RNF168: variants seen among roughly 807,000 people sequenced by gnomAD.
The protein encoded by RNF168 is E3 ubiquitin-protein ligase RNF168.
In RNF168, 34 loss-of-function variants were observed where a neutral mutation model predicts 34.9. The ratio of observed to expected loss-of-function variants is 0.97; its 90% CI spans 0.74 to 1.30. The LOEUF (loss-of-function observed/expected upper bound fraction) is 1.30. Ranked by LOEUF, RNF168 falls within the 50% of genes most tolerant of loss-of-function variation. The pLI is 0.00. For missense variants in RNF168, 725 were observed against 682.5 expected (o/e 1.06, Z -0.69); for synonymous variants, 264 against 254.7 (o/e 1.04, Z -0.35).
At chr3:196,499,877 C>T (rs1202641057) in intron 1 of RNF168, among the ~76,000 whole-genome samples, 1 of 152,136 alleles carries the variant, frequency 6.6e-6, no homozygotes, top group African/African-American at 2.4e-5. Context: ...AGATGATATA[C>T]AAATGGCCAA....
chr3:196,484,210 G>T (rs1577514466), intron 3 of RNF168, among the ~76,000 whole-genome samples: 1 of 119,472 alleles, frequency 8.4e-6, no homozygotes, highest in African/African-American at 3.4e-5. Context: ...TCGCTCTGTT[G>T]CCCAGGCTGG....
At position 196,484,026 on chromosome 3, in the gene RNF168, TGAA is replaced by T. The variant is rs886312944; in HGVS notation, c.559-138_559-136del. The T allele has an allele frequency of 5.8e-6, 4 of 690,352 alleles. 1 individual carries two copies. Among genetic ancestry groups the T allele is most frequent in the South Asian group, 5.0e-5 (3 of 60,022 alleles). The allele number at this position is 690,352 out of a possible 1,614,324, so 42.8% of individuals were successfully genotyped here. On this transcript the variant is annotated intron_variant, in intron 3 of 5. Coordinates refer to ENST00000318037, the MANE Select transcript of RNF168 (RefSeq NM_152617.4). ...TTATATTTAAATTCTGTACATCTCTTGAAGAATATTGACCATGCAAAAATCAGA... is the reference window on the plus strand; with the variant it reads ...TTATATTTAAATTCTGTACATCTCTTGAATATTGACCATGCAAAAATCAGA...
intron 5 of RNF168, chr3:196,474,875 T>C: frequency 3.7e-6 from 1 of 269,096 alleles, no homozygotes; most frequent in Non-Finnish European, 7.3e-6. Context: ...CTGCCTGTTT[T>C]TGTAAACAAA....
chr3:196,472,941 G>A (rs1253825403), intron 5 of RNF168, among the ~76,000 whole-genome samples, 169 bp from the exon 6 acceptor site: 10 of 150,638 alleles, frequency 6.6e-5, no homozygotes, highest in South Asian at 2.1e-4. Context: ...TTGCTCTGTC[G>A]CCCAGGCTGG....
chr3:196,471,550 G>A lies in RNF168; in HGVS notation c.*269C>T. ...CAATGGCACTTGAAGATTTCCTGGA[G>A]TTGGCCAAAGCTTAAGATATCTCTA... On this transcript the variant is annotated 3_prime_UTR_variant, in exon 6 of 6. Coordinates refer to ENST00000318037, the MANE Select transcript of RNF168 (RefSeq NM_152617.4). The A allele has an allele frequency of 2.6e-6, 1 of 386,960 alleles. No individual in the cohort carries two copies. Among genetic ancestry groups the A allele is most frequent in the Non-Finnish European group, 4.8e-6 (1 of 210,126 alleles). The allele number at this position is 386,960 out of a possible 1,614,324, so 24.0% of individuals were successfully genotyped here. A position where few individuals can be genotyped will look rare whatever the true frequency, so the allele number is the denominator to read the frequency against.
At chr3:196,485,396 A>G (rs1211853960) in intron 3 of RNF168, among the ~76,000 whole-genome samples, 1 of 151,722 alleles carries the variant, frequency 6.6e-6, no homozygotes, top group Non-Finnish European at 1.5e-5. Flanking sequence ...AATCCCAGAT[A>G]CTCTGGAGGC....
At chr3:196,480,587 T>C (rs1732263286) in intron 4 of RNF168, among the ~76,000 whole-genome samples, 1 of 152,250 alleles carries the variant, frequency 6.6e-6, no homozygotes, top group Admixed American at 6.5e-5. Context: ...GTATTAGGCA[T>C]CTTCTAACCC....
rs1269378997 is a variant in RNF168, at chr3:196,503,075, G to C, written c.99C>G (p.His33Gln). 8 of 1,614,190 alleles carry C rather than the reference G, an allele frequency of 5.0e-6. No individual in the cohort carries two copies. The highest frequency in any genetic ancestry group is 6.8e-6 in the Non-Finnish European group (8 of 1,180,032). The part of the protein sequence containing the change: ...LVEPVTLPCN[H>Q]TLCKPCFQST... ...ACTGGAAGCACGGTTTACACAGCGT[G>C]TGGTTACACGGGAGGGTGACGGGCT... Residue 33 changes from histidine to glutamine, a missense_variant, in exon 1 of 6, where the codon CAC becomes CAG. His to Gln is a conservative substitution (Grantham distance 24). Transcript: ENST00000318037.
In RNF168 at chr3:196,475,282, T is replaced by G; in HGVS notation, c.711A>C (p.Ser237=). 6.2e-7 allele frequency: 1 copy of G among 1,611,522 alleles called. No homozygotes were observed. Among genetic ancestry groups the G allele is most frequent in the Non-Finnish European group, 8.5e-7 (1 of 1,177,594 alleles). Residue 237 remains serine, a synonymous_variant, in exon 5 of 6, where the codon TCA becomes TCC. Coordinates refer to ENST00000318037, the MANE Select transcript of RNF168 (RefSeq NM_152617.4). ...CTTGTACAGCTTCAGAGTGTGAGGC[T>G]GACCCAAACTGAGATTTCGGTGTCA... is the stretch of plus-strand genomic sequence containing the variant. The part of the protein sequence containing the change: ...KYLTPKSQFG[S]ASHSEAVQEV...
At chr3:196,489,153 G>T (rs900312220) in intron 1 of RNF168, among the ~76,000 whole-genome samples, 2 of 152,110 alleles carry the variant, frequency 1.3e-5, no homozygotes, top group African/African-American at 2.4e-5. Flanking sequence ...ACCACGCCCG[G>T]CCTGGAATTC....
chr3:196,476,651 G>C (rs889654479), intron 4 of RNF168, among the ~76,000 whole-genome samples: 15 of 152,118 alleles, frequency 9.9e-5, no homozygotes, highest in Admixed American at 2.0e-4. Context: ...CCTGACCTCA[G>C]GTGATCCGCC....
chr3:196,488,598 A>G lies in RNF168; in HGVS notation c.378+9T>C, dbSNP rs1198051589. The stretch of plus-strand genomic sequence containing the variant: ...AATATTCCAAAAAAAAAAACTATTT[A>G]GCACCTACCTTGCTTATTTCCTCTT... On this transcript the variant is annotated intron_variant, in intron 2 of 5. Transcript: ENST00000318037. The G allele has an allele frequency of 1.6e-5, 25 of 1,528,906 alleles. No homozygotes were observed. Among genetic ancestry groups the G allele is most frequent in the Non-Finnish European group, 2.3e-5 (25 of 1,105,140 alleles). The allele number at this position is 1,528,906 out of a possible 1,614,324, so 94.7% of individuals were successfully genotyped here. A position where few individuals can be genotyped will look rare whatever the true frequency, so the allele number is the denominator to read the frequency against.
At chr3:196,485,965 T>C (rs540566044) in intron 3 of RNF168, among the ~76,000 whole-genome samples, 1 of 152,252 alleles carries the variant, frequency 6.6e-6, no homozygotes, top group East Asian at 1.9e-4. Flanking sequence ...CTTAATAGAT[T>C]TGGAGTAAAT....
chr3:196,499,279 AG>A (rs774416303), intron 1 of RNF168, among the ~76,000 whole-genome samples: 7 of 152,126 alleles, frequency 4.6e-5, no homozygotes, highest in Non-Finnish European at 8.8e-5. Flanking sequence ...GCTGCAAACC[AG>A]GAACACCATG....
At chr3:196,493,057 G>T (rs773249303) in intron 1 of RNF168, among the ~76,000 whole-genome samples, 34 of 152,104 alleles carry the variant, frequency 2.2e-4, no homozygotes, top group Admixed American at 3.3e-4. Flanking sequence ...TCCATGTGAT[G>T]AAAGACATCA....
rs773460831 is a variant in RNF168 at position 196,503,196 on chromosome 3, C to T, written c.-23G>A. ...CATTTCAATATGTTAGTAAAGCCGA[C>T]TAAACAACGACACCTGCACGAAAAA... On this transcript the variant is annotated 5_prime_UTR_variant, in exon 1 of 6. Transcript: ENST00000318037. 3 of 1,609,288 alleles carry T rather than the reference C, an allele frequency of 1.9e-6. No individual in the cohort carries two copies. Among genetic ancestry groups the T allele is most frequent in the Non-Finnish European group, 2.6e-6 (3 of 1,175,712 alleles).
intron 1 of RNF168, among the ~76,000 whole-genome samples, chr3:196,500,904 G>A (rs1036673031): frequency 9.9e-5 from 15 of 151,894 alleles, no homozygotes; most frequent in African/African-American, 2.9e-4. Flanking sequence ...GTAGAGAGGG[G>A]GTTTCACCGT....
rs57647149 is a variant in RNF168 at position 196,471,196 on chromosome 3, C to CAAAAAAAAAAAAAAAAAAAAAAA, written c.*600_*622dup. On this transcript the variant is annotated 3_prime_UTR_variant, in exon 6 of 6. Transcript: ENST00000318037. ...GCGTGACAGAGCAAGACTCTGTCTCCAAAAAAAAAAAAAAAAAAAAAAAAA... is the reference window on the plus strand; with the variant it reads ...GCGTGACAGAGCAAGACTCTGTCTCCAAAAAAAAAAAAAAAAAAAAAAAAAAAAAAAAAAAAAAAAAAAAAAAA... 4.9e-5 allele frequency: 2 copies of CAAAAAAAAAAAAAAAAAAAAAAA among 40,638 alleles called. No individual in the cohort carries two copies. Among genetic ancestry groups the CAAAAAAAAAAAAAAAAAAAAAAA allele is most frequent in the Non-Finnish European group, 8.9e-5 (2 of 22,420 alleles). 2.5% of individuals were successfully genotyped at this position (40,638 alleles called of 1,614,324 possible). A position where few individuals can be genotyped will look rare whatever the true frequency, so the allele number is the denominator to read the frequency against.
At chr3:196,478,999 A>ATG (rs1732221554) in intron 4 of RNF168, among the ~76,000 whole-genome samples, 14 of 149,162 alleles carry the variant, frequency 9.4e-5, no homozygotes, top group African/African-American at 3.2e-4. Context: ...GAGCCACCGC[A>ATG]CCTGGCCATT....
Sources: gnomAD v4.1 joint callset for allele counts (sites outside exome capture counted in the v4.1 genomes callset) on GRCh38, gnomAD v4.1.1 for gene constraint, MANE v1.5 for transcripts, NCBI Gene and HGNC (gene_info 2026-07-23, HGNC 2026-07-21) for gene names.